The following RHOA variants were observed in gnomAD, a reference collection of about 807,000 sequenced individuals.
The protein encoded by RHOA is transforming protein RhoA.
Under a neutral mutation model 17.5 loss-of-function variants are expected in RHOA, and 3 were observed. The observed-to-expected ratio is 0.17, with a 90% CI of 0.08 to 0.44. The LOEUF (loss-of-function observed/expected upper bound fraction) is 0.44. Among genes scored for constraint, RHOA ranks in the 20% least tolerant of loss-of-function variants. RHOA has a pLI of 0.99. For missense variants in RHOA, 56 were observed against 242.3 expected (o/e 0.23, Z 5.10); for synonymous variants, 98 against 88.4 (o/e 1.11, Z -0.61).
chr3:49,408,270 G>A lies in RHOA; in HGVS notation c.-3+3550C>T, dbSNP rs200381663. Among the ~76,000 whole-genome samples the A allele has an allele frequency of 3.5e-4, 19 of 54,004 alleles. No individual in the cohort carries two copies. In the East Asian group the frequency reaches 0.17, roughly 497 times the overall value. 35.4% of individuals were successfully genotyped at this position (54,004 alleles called of 152,430 possible). ...TGTACACATATATATACGTATACACGTATATACGTATACACAAGTATATAT... is the reference window on the plus strand; with the variant it reads ...TGTACACATATATATACGTATACACATATATACGTATACACAAGTATATAT... On this transcript the variant is annotated intron_variant, in intron 1 of 4. Coordinates refer to ENST00000418115, the MANE Select transcript of RHOA (RefSeq NM_001664.4).
At chr3:49,368,129 CT>C (rs1430522727) in intron 3 of RHOA, among the ~76,000 whole-genome samples, 2 of 152,148 alleles carry the variant, frequency 1.3e-5, no homozygotes, top group Admixed American at 6.6e-5. Context: ...CCAGGCTGGT[CT>C]TGAACTCCTG....
intron 1 of RHOA, among the ~76,000 whole-genome samples, chr3:49,397,203 A>G (rs1257361455): frequency 6.6e-6 from 1 of 152,126 alleles, no homozygotes; most frequent in Non-Finnish European, 1.5e-5. Flanking sequence ...GCATAAATGA[A>G]AGAAGCCAGT....
At chr3:49,365,795 T>C (rs553454210) in intron 3 of RHOA, among the ~76,000 whole-genome samples, 119 of 152,120 alleles carry the variant, frequency 7.8e-4, no homozygotes, top group Admixed American at 2.6e-3. Context: ...TTCACCATGT[T>C]GGCCAGGCTG....
chr3:49,383,554 TCCTTGGG>T (rs2048350760), intron 1 of RHOA, among the ~76,000 whole-genome samples: 1 of 152,166 alleles, frequency 6.6e-6, no homozygotes. Context: ...TCATTGCCTG[TCCTTGGG>T]CCCTCTCCAG....
intron 1 of RHOA, among the ~76,000 whole-genome samples, chr3:49,383,094 C>T (rs903848563): frequency 3.3e-5 from 5 of 151,606 alleles, no homozygotes; most frequent in African/African-American, 1.2e-4. Context: ...AAAAGGCTGC[C>T]ACCTTTGCGT....
At chr3:49,369,042 T>TTGG (rs2048107911) in intron 2 of RHOA, among the ~76,000 whole-genome samples, 1 of 102,654 alleles carries the variant, frequency 9.7e-6, no homozygotes, top group African/African-American at 4.0e-5. Flanking sequence ...TTTTTTTTGT[T>TTGG]GAGACGGAGT....
At chr3:49,378,639 C>A (rs1257973287) in intron 1 of RHOA, among the ~76,000 whole-genome samples, 1 of 152,164 alleles carries the variant, frequency 6.6e-6, no homozygotes, top group Non-Finnish European at 1.5e-5. Context: ...CATTCTGTCA[C>A]CAAGGCTGGA....
intron 4 of RHOA, among the ~76,000 whole-genome samples, chr3:49,360,735 G>C (rs1349442794): frequency 6.6e-6 from 1 of 151,238 alleles, no homozygotes; most frequent in East Asian, 2.0e-4. Context: ...CTGGGATACA[G>C]GCATGAGCCA....
chr3:49,383,337 G>A (rs959818751), intron 1 of RHOA, among the ~76,000 whole-genome samples: 6 of 149,174 alleles, frequency 4.0e-5, no homozygotes, highest in South Asian at 2.1e-4. Context: ...GGAGAATGGC[G>A]TGAACCCGGA....
chr3:49,378,238 ATCTTTT>A (rs1223055488), intron 1 of RHOA, among the ~76,000 whole-genome samples: 2 of 108,934 alleles, frequency 1.8e-5, no homozygotes, highest in Admixed American at 1.2e-4. Context: ...CTATCCATCT[ATCTTTT>A]TTTTTTTTTT....
At chr3:49,408,683 A>AT (rs1216075434) in intron 1 of RHOA, among the ~76,000 whole-genome samples, 9 of 152,218 alleles carry the variant, frequency 5.9e-5, no homozygotes, top group Non-Finnish European at 7.3e-5. Flanking sequence ...GGCATGTAAC[A>AT]TTAAGTTCAA....
intron 1 of RHOA, among the ~76,000 whole-genome samples, chr3:49,409,580 A>ATATC (rs2048898349): frequency 6.6e-6 from 1 of 152,072 alleles, no homozygotes; most frequent in South Asian, 2.1e-4. Context: ...GAGTTAACAT[A>ATATC]TATCTCTCAG....
At chr3:49,405,540 C>A (rs2048818943) in intron 1 of RHOA, among the ~76,000 whole-genome samples, 1 of 152,172 alleles carries the variant, frequency 6.6e-6, no homozygotes, top group South Asian at 2.1e-4. Flanking sequence ...CATTCCCTTT[C>A]TACAGAAGAA....
chr3:49,385,705 ATAGTTTT>A (rs2048386064), intron 1 of RHOA, among the ~76,000 whole-genome samples: 1 of 141,574 alleles, frequency 7.1e-6, no homozygotes, highest in Non-Finnish European at 1.6e-5. Flanking sequence ...GCTTCTTTCT[ATAGTTTT>A]AAGTCTTACA....
intron 1 of RHOA, among the ~76,000 whole-genome samples, chr3:49,400,326 T>C (rs2048703010): frequency 6.6e-6 from 1 of 151,402 alleles, no homozygotes; most frequent in African/African-American, 2.4e-5. Flanking sequence ...CCTGTTTCTA[T>C]AAGGAGATAA....
intron 1 of RHOA, among the ~76,000 whole-genome samples, chr3:49,397,391 T>C (rs1036296971): frequency 6.6e-5 from 10 of 152,152 alleles, no homozygotes; most frequent in African/African-American, 2.2e-4. Flanking sequence ...AAATTGACTG[T>C]AGTGATACAC....
chr3:49,387,625 G>C lies in RHOA; in HGVS notation c.-2-12034C>G, dbSNP rs575095427. On this transcript the variant is annotated intron_variant, in intron 1 of 4. Coordinates refer to ENST00000418115, the MANE Select transcript of RHOA (RefSeq NM_001664.4). ...CCAGGCGTGGTGGCGGGCACCTGTA[G>C]TTCCAGCTACTCAGGAGGCTGAGGT... 2.8e-3 allele frequency among the ~76,000 whole-genome samples: 417 copies of C among 151,178 alleles called. 3 individuals carry two copies. The highest frequency in any genetic ancestry group is 9.4e-3 in the African/African-American group (387 of 41,206).
chr3:49,386,249 T>A (rs1448290727), intron 1 of RHOA, among the ~76,000 whole-genome samples: 2 of 144,386 alleles, frequency 1.4e-5, no homozygotes, highest in Admixed American at 1.4e-4. Flanking sequence ...TTCATTTTTT[T>A]ACTTCCTCTT....
chr3:49,359,574 A>T lies in RHOA; in HGVS notation c.*635T>A. 1 of 205,772 alleles carries T rather than the reference A, an allele frequency of 4.9e-6. No individual in the cohort carries two copies. The allele number at this position is 205,772 out of a possible 1,614,324, so 12.7% of individuals were successfully genotyped here. On this transcript the variant is annotated 3_prime_UTR_variant, in exon 5 of 5. Coordinates refer to ENST00000418115, the MANE Select transcript of RHOA (RefSeq NM_001664.4). ...ATACACTTTCTTTGAGGATGACAGTATTAGGAAATCCAATTATACAAAAAA... is the reference window on the plus strand; with the variant it reads ...ATACACTTTCTTTGAGGATGACAGTTTTAGGAAATCCAATTATACAAAAAA...
Sources: gnomAD v4.1 joint callset for allele counts (sites outside exome capture counted in the v4.1 genomes callset) on GRCh38, gnomAD v4.1.1 for gene constraint, MANE v1.5 for transcripts, NCBI Gene and HGNC (gene_info 2026-07-23, HGNC 2026-07-21) for gene names.